The following TIAM1 variants were observed in gnomAD, a reference collection of about 807,000 sequenced individuals.
The protein encoded by TIAM1 is rho guanine nucleotide exchange factor TIAM1.
TIAM1 carries 65 observed loss-of-function variants against 163.5 expected under a neutral mutation model. That is an observed-to-expected ratio of 0.40 (90% CI 0.33 to 0.49). TIAM1 has a LOEUF of 0.49. Among genes scored for constraint, TIAM1 ranks in the 20% least tolerant of loss-of-function variants. The pLI is 0.77. For missense variants in TIAM1, 1,789 were observed against 2,044.7 expected (o/e 0.87, Z 2.41); for synonymous variants, 833 against 810.1 (o/e 1.03, Z -0.48).
chr21:31,137,085 C>CA (rs2082649899), intron 22 of TIAM1, among the ~76,000 whole-genome samples: 1 of 152,252 alleles, frequency 6.6e-6, no homozygotes, highest in Non-Finnish European at 1.5e-5. Flanking sequence ...GATGCAAGTT[C>CA]AACGTCTATG....
intron 2 of TIAM1, among the ~76,000 whole-genome samples, chr21:31,331,250 T>C (rs1477367532): frequency 1.3e-5 from 2 of 152,172 alleles, no homozygotes; most frequent in East Asian, 3.9e-4. Flanking sequence ...AAAGTAAGCA[T>C]CCATCCCACC....
chr21:31,295,691 T>C (rs1977905), intron 2 of TIAM1, among the ~76,000 whole-genome samples: 125,962 of 152,084 alleles, frequency 0.83, 52,846 homozygotes, highest in East Asian at 0.98. Context: ...TGCCACAGGA[T>C]GGTAATAGAG....
At chr21:31,486,430 A>G (rs1602396116) in intron 1 of TIAM1, among the ~76,000 whole-genome samples, 1 of 152,256 alleles carries the variant, frequency 6.6e-6, no homozygotes, top group African/African-American at 2.4e-5. Context: ...ATCATCCTAC[A>G]GGGTCAGGAC....
chr21:31,555,323 T>C (rs1484837722), intron 1 of TIAM1, among the ~76,000 whole-genome samples: 5 of 151,966 alleles, frequency 3.3e-5, no homozygotes, highest in African/African-American at 1.2e-4. Context: ...TGGTCCAGAA[T>C]TGAGGGAAAA....
chr21:31,164,982 C>T lies in TIAM1; in HGVS notation c.2971G>A (p.Glu991Lys), dbSNP rs912928393. The T allele has an allele frequency of 1.2e-6, 2 of 1,614,176 alleles. No individual in the cohort carries two copies. The highest frequency in any genetic ancestry group is 1.3e-5 in the African/African-American group (1 of 75,064). ...TEGPDLESSD[E>K]TDHSSKSTEQ... The stretch of plus-strand genomic sequence containing the variant: ...CTCACCTTGCTGCTGTGATCAGTCT[C>T]ATCTGAGGATTCCAAGTCTGGCCCC... Residue 991 changes from glutamate (E) to lysine (K), a missense_variant, in exon 16 of 28, where the codon GAG (glutamate) becomes AAG (lysine). By Grantham distance (56) the Glu-to-Lys change is moderately conservative (BLOSUM62 1). Coordinates refer to ENST00000541036, the MANE Select transcript of TIAM1 (RefSeq NM_001353694.2).
At chr21:31,410,181 TGTGA>T (rs1451171887) in intron 2 of TIAM1, among the ~76,000 whole-genome samples, 2 of 149,256 alleles carry the variant, frequency 1.3e-5, no homozygotes, top group Admixed American at 6.6e-5. Context: ...AGGGTGTATG[TGTGA>T]GTGTGAAACA....
chr21:31,400,857 G>A (rs1467663066), intron 2 of TIAM1, among the ~76,000 whole-genome samples: 5 of 151,758 alleles, frequency 3.3e-5, no homozygotes, highest in Admixed American at 6.6e-5. Context: ...TTGGGAGGCC[G>A]AGGTGGGTGG....
At chr21:31,143,411 C>A (rs1177642249) in intron 20 of TIAM1, among the ~76,000 whole-genome samples, 2 of 151,160 alleles carry the variant, frequency 1.3e-5, no homozygotes, top group African/African-American at 2.4e-5. Flanking sequence ...TAAATAAATA[C>A]CCTCTCCCCG....
At chr21:31,464,872 C>T (rs2045467557) in intron 1 of TIAM1, among the ~76,000 whole-genome samples, 1 of 144,242 alleles carries the variant, frequency 6.9e-6, no homozygotes, top group South Asian at 2.2e-4. Context: ...AAGCCAGATG[C>T]GGTGGCTCAC....
chr21:31,298,798 AT>A (rs2074391593), intron 2 of TIAM1, among the ~76,000 whole-genome samples: 1 of 99,192 alleles, frequency 1.0e-5, no homozygotes, highest in Admixed American at 8.8e-5. Context: ...AAAAAAAACA[AT>A]GAGAGAGAGA....
At chr21:31,259,629 AAATAATAATAAT>A (rs61401734) in intron 4 of TIAM1, among the ~76,000 whole-genome samples, 2 of 146,256 alleles carry the variant, frequency 1.4e-5, no homozygotes, top group East Asian at 2.0e-4. Flanking sequence ...TAAAAAAATA[AAATAATAATAAT>A]AATAATAATA....
At chr21:31,511,844 G>T (rs1321800470) in intron 1 of TIAM1, among the ~76,000 whole-genome samples, 1 of 152,158 alleles carries the variant, frequency 6.6e-6, no homozygotes, top group African/African-American at 2.4e-5. Context: ...TAGGGCAAGG[G>T]AAAAATATTA....
chr21:31,208,687 G>A (rs1401903840), intron 11 of TIAM1, among the ~76,000 whole-genome samples: 4 of 152,116 alleles, frequency 2.6e-5, no homozygotes, highest in African/African-American at 9.7e-5. Flanking sequence ...ACATACATAA[G>A]ACATTTTAAG....
At chr21:31,480,921 T>A (rs965169996) in intron 1 of TIAM1, among the ~76,000 whole-genome samples, 36 of 152,158 alleles carry the variant, frequency 2.4e-4, no homozygotes, top group African/African-American at 8.2e-4. Context: ...GCCCAACTAA[T>A]TTTTTTGTAT....
chr21:31,245,630 C>T lies in TIAM1; in HGVS notation c.1442G>A (p.Gly481Asp), dbSNP rs200132537. 5.1e-5 allele frequency: 81 copies of T among 1,585,970 alleles called. 1 individual carries two copies. The Admixed American group carries it at 7.3e-4, about 14-fold the overall frequency. ...GCTGTTGTGGTCTATCCCAGACCTG[C>T]CGTCGCTCTCGTAGAAAAATAGCGT... Reference protein sequence around the residue: ...GCTLFFYESDGRSGIDHNSIP... With the variant: ...GCTLFFYESDDRSGIDHNSIP... The change falls in exon 6 of 28, where the codon GGC (glycine) becomes GAC (aspartate). Residue 481 changes from glycine (G) to aspartate (D), a missense_variant. Physicochemically the swap from Gly to Asp is moderately conservative, Grantham distance 94. Around this residue, in one of 5 missense-constraint regions of TIAM1, gnomAD observed 456 missense variants for 586.6 expected, o/e 0.78. Coordinates refer to ENST00000541036, the MANE Select transcript of TIAM1 (RefSeq NM_001353694.2).
intron 2 of TIAM1, among the ~76,000 whole-genome samples, chr21:31,446,883 T>C (rs555502830): frequency 6.6e-6 from 1 of 152,340 alleles, no homozygotes; most frequent in African/African-American, 2.4e-5. Flanking sequence ...AAATACTTTA[T>C]TCATCTTAAA....
At chr21:31,538,214 TG>T (rs58941931) in intron 1 of TIAM1, among the ~76,000 whole-genome samples, 2,973 of 152,324 alleles carry the variant, frequency 0.02, 28 homozygotes, top group Non-Finnish European at 0.027. Context: ...CTTTTCTGTA[TG>T]TATGTTATAT....
chr21:31,258,117 A>G (rs536731267), intron 4 of TIAM1, among the ~76,000 whole-genome samples: 1 of 151,476 alleles, frequency 6.6e-6, no homozygotes, highest in East Asian at 1.9e-4. Context: ...TCCACAGCAC[A>G]TCGCTTCCTT....
chr21:31,441,359 ACT>A (rs747887627), intron 2 of TIAM1, among the ~76,000 whole-genome samples: 2 of 152,158 alleles, frequency 1.3e-5, no homozygotes, highest in Non-Finnish European at 2.9e-5. Flanking sequence ...TATTCAACAA[ACT>A]CATTCCTTCT....
Sources: allele counts gnomAD v4.1 joint callset (sites outside exome capture counted in the v4.1 genomes callset), GRCh38; gene constraint gnomAD v4.1.1; regional missense constraint gnomAD v4.1.1; transcripts MANE v1.5; gene names NCBI Gene and HGNC (gene_info 2026-07-23, HGNC 2026-07-21).